The following CCDC192 variants were observed in gnomAD, a reference collection of about 807,000 sequenced individuals.
The protein encoded by CCDC192 is coiled-coil domain containing 192, also known as coiled-coil domain-containing protein 192.
At chr5:127,777,847 T>A (rs1190963337) in intron 3 of CCDC192, among the ~76,000 whole-genome samples, 1 of 152,122 alleles carries the variant, frequency 6.6e-6, no homozygotes, top group Admixed American at 6.6e-5. Flanking sequence ...TCTTCTGCCA[T>A]GATTATGAGG....
chr5:127,727,263 G>A (rs913705002), intron 2 of CCDC192, among the ~76,000 whole-genome samples: 3 of 152,042 alleles, frequency 2.0e-5, no homozygotes, highest in African/African-American at 7.2e-5. Flanking sequence ...TTCTGAGGTC[G>A]GGAGGTCGAG....
At chr5:127,853,043 TC>T (rs1331585738) in intron 5 of CCDC192, among the ~76,000 whole-genome samples, 2 of 152,116 alleles carry the variant, frequency 1.3e-5, no homozygotes, top group East Asian at 3.9e-4. Context: ...TGAGCTGAGA[TC>T]GTGCCACTGC....
intron 3 of CCDC192, among the ~76,000 whole-genome samples, chr5:127,755,579 GT>G (rs1445118228): frequency 1.8e-3 from 235 of 128,264 alleles, no homozygotes; most frequent in East Asian, 0.018. Flanking sequence ...GCCAACTGTT[GT>G]TTTTTTTTTT....
intron 6 of CCDC192, among the ~76,000 whole-genome samples, chr5:127,892,032 T>A (rs1752747324): frequency 6.6e-6 from 1 of 152,206 alleles, no homozygotes; most frequent in African/African-American, 2.4e-5. Flanking sequence ...CTTTTTTTTA[T>A]CAGAGTACTA....
intron 2 of CCDC192, among the ~76,000 whole-genome samples, chr5:127,709,557 G>A (rs888202983): frequency 6.6e-6 from 1 of 152,136 alleles, no homozygotes; most frequent in African/African-American, 2.4e-5. Flanking sequence ...TCTTGTCAGT[G>A]TAGTTCATTT....
intron 2 of CCDC192, among the ~76,000 whole-genome samples, chr5:127,723,701 G>T (rs1047254497): frequency 2.0e-5 from 3 of 152,202 alleles, no homozygotes; most frequent in Non-Finnish European, 4.4e-5. Context: ...TGGGGAAGTT[G>T]GCAGAGAATG....
intron 6 of CCDC192, among the ~76,000 whole-genome samples, chr5:127,919,917 G>C (rs1456003826): frequency 6.6e-6 from 1 of 152,178 alleles, no homozygotes; most frequent in Non-Finnish European, 1.5e-5. Flanking sequence ...GGCAAGACCA[G>C]GTAAAGGATT....
intron 3 of CCDC192, among the ~76,000 whole-genome samples, chr5:127,771,762 A>T (rs557014924): frequency 3.5e-4 from 54 of 152,324 alleles, no homozygotes; most frequent in African/African-American, 1.3e-3. Flanking sequence ...ATGTTGCAGG[A>T]CTTTTCCTTA....
Position 127,812,900 on chromosome 5 carries a change from T to C in CCDC192, c.411+14738T>C, listed in dbSNP as rs182010157. Among the ~76,000 whole-genome samples the C allele has an allele frequency of 3.9e-3, 592 of 152,342 alleles. 2 individuals are homozygous for C. Among genetic ancestry groups the C allele is most frequent in the African/African-American group, 0.014 (572 of 41,578 alleles). ...CCACCTTTGCTGCCCTAACCTTTAC[T>C]TTCTCAGCTTCCTGGAGAATGCCCT... On this transcript the variant is annotated intron_variant, in intron 5 of 6. Coordinates refer to ENST00000514853, the MANE Select transcript of CCDC192 (RefSeq NM_001317938.2).
chr5:127,827,847 A>G (rs1749603073), intron 5 of CCDC192, among the ~76,000 whole-genome samples: 1 of 152,238 alleles, frequency 6.6e-6, no homozygotes, highest in South Asian at 2.1e-4. Flanking sequence ...CATATACCTC[A>G]ACTCTACCCA....
At chr5:127,753,135 C>G (rs116572994) in intron 2 of CCDC192, among the ~76,000 whole-genome samples, 2,034 of 152,186 alleles carry the variant, frequency 0.013, 20 homozygotes, top group African/African-American at 0.028. Context: ...CTTGGCTCCT[C>G]GCAGTTCATT....
chr5:127,784,779 T>C, intron 3 of CCDC192: 1 of 493,950 alleles, frequency 2.0e-6, no homozygotes, highest in Non-Finnish European at 4.0e-6. Context: ...AAAACCTTCC[T>C]CATCTTCATG....
intron 5 of CCDC192, among the ~76,000 whole-genome samples, chr5:127,855,982 A>G (rs1561525235): frequency 6.6e-6 from 1 of 152,236 alleles, no homozygotes; most frequent in South Asian, 2.1e-4. Flanking sequence ...TTGGAATGAT[A>G]AATGAGAAAG....
At chr5:127,880,851 G>A (rs563839330) in intron 6 of CCDC192, among the ~76,000 whole-genome samples, 1 of 151,920 alleles carries the variant, frequency 6.6e-6, no homozygotes, top group Admixed American at 6.6e-5. Context: ...ATGGTGGTGG[G>A]CACCTGTAAT....
intron 6 of CCDC192, among the ~76,000 whole-genome samples, chr5:127,906,113 C>A (rs554339331): frequency 6.6e-6 from 1 of 152,278 alleles, no homozygotes; most frequent in South Asian, 2.1e-4. Context: ...GTGCAACCAT[C>A]ACCGCCACCA....
chr5:127,719,506 C>CATATATATATAT (rs71575704), intron 2 of CCDC192, among the ~76,000 whole-genome samples: 1 of 124,408 alleles, frequency 8.0e-6, no homozygotes, highest in Admixed American at 8.8e-5. Flanking sequence ...CACACACATA[C>CATATATATATAT]ATATATATAT....
At chr5:127,727,743 G>A (rs1178283824) in intron 2 of CCDC192, among the ~76,000 whole-genome samples, 2 of 152,012 alleles carry the variant, frequency 1.3e-5, no homozygotes, top group Non-Finnish European at 2.9e-5. Flanking sequence ...AATGAACTTT[G>A]CTGAACTAAA....
intron 5 of CCDC192, among the ~76,000 whole-genome samples, chr5:127,825,216 A>T (rs1389462979): frequency 1.3e-5 from 2 of 152,238 alleles, no homozygotes; most frequent in South Asian, 2.1e-4. Flanking sequence ...AAAGCACATC[A>T]TCCACAATGG....
chr5:127,810,824 C>T (rs558450336), intron 5 of CCDC192, among the ~76,000 whole-genome samples: 29 of 152,276 alleles, frequency 1.9e-4, no homozygotes, highest in African/African-American at 5.5e-4. Flanking sequence ...AGTTCAGTTT[C>T]GGTCATTTGG....
Sources: allele counts gnomAD v4.1 joint callset (sites outside exome capture counted in the v4.1 genomes callset), GRCh38; gene constraint gnomAD v4.1.1; transcripts MANE v1.5; gene names NCBI Gene and HGNC (gene_info 2026-07-23, HGNC 2026-07-21).